TRIO: variants seen among roughly 807,000 people sequenced by gnomAD.
TRIO encodes the protein triple functional domain protein.
In TRIO, 58 loss-of-function variants were observed where a neutral mutation model predicts 351.9. That is an observed-to-expected ratio of 0.16 (90% CI 0.13 to 0.21). TRIO has a LOEUF of 0.21. Among genes scored for constraint, TRIO ranks in the 10% least tolerant of loss-of-function variants. The pLI is 1.00. For synonymous variants in TRIO, 1,758 were observed against 1,595.7 expected (o/e 1.10, Z -2.42); for missense variants, 3,201 against 4,027.8 (o/e 0.79, Z 5.56).
intron 30 of TRIO, 188 bp downstream of exon 30, chr5:14,399,258 GCTCTGGAGTTTATAGA>G: frequency 1.6e-6 from 1 of 607,886 alleles, no homozygotes; most frequent in Non-Finnish European, 2.9e-6. Context: ...ACTAGAGGGT[GCTCTGGAGTTTATAGA>G]CTTAGGAAAC....
rs549398574 is a variant in TRIO, at chr5:14,186,681, G to A, written c.157+42799G>A. Among the ~76,000 whole-genome samples the A allele has an allele frequency of 2.6e-5, 4 of 152,118 alleles. No homozygotes were observed. The South Asian group carries it at 6.2e-4, about 24-fold the overall frequency. ...CAGCCTCTGCCCCCCTGGTTCAAGC[G>A]ATTCTCTTGCCTCAGCCTCCTAAGT... On this transcript the variant is annotated intron_variant, in intron 1 of 56. Coordinates refer to ENST00000344204, the MANE Select transcript of TRIO (RefSeq NM_007118.4).
chr5:14,459,758 T>C (rs914696351), intron 34 of TRIO, among the ~76,000 whole-genome samples: 1 of 151,786 alleles, frequency 6.6e-6, no homozygotes, highest in Non-Finnish European at 1.5e-5. Context: ...CAAAGAAAAA[T>C]TGGATTTTTT....
intron 49 of TRIO, among the ~76,000 whole-genome samples, chr5:14,493,970 A>G (rs1458132758): frequency 6.6e-6 from 1 of 152,220 alleles, no homozygotes; most frequent in South Asian, 2.1e-4. Context: ...CTCCAGTTCT[A>G]TAAAGGCTGA....
intron 1 of TRIO, among the ~76,000 whole-genome samples, chr5:14,175,145 T>G (rs1462369827): frequency 1.3e-5 from 2 of 152,218 alleles, no homozygotes; most frequent in East Asian, 3.8e-4. Flanking sequence ...TTCACCAGAT[T>G]GCCACTAGTT....
chr5:14,361,662 G>T (rs1380640751), intron 13 of TRIO, among the ~76,000 whole-genome samples: 1 of 152,164 alleles, frequency 6.6e-6, no homozygotes, highest in African/African-American at 2.4e-5. Context: ...GTTTCAATTG[G>T]AGTAGCGTCT....
chr5:14,249,327 G>A (rs775863101), intron 1 of TRIO, among the ~76,000 whole-genome samples: 4 of 152,344 alleles, frequency 2.6e-5, no homozygotes, highest in Middle Eastern at 6.8e-3. Flanking sequence ...GCCCGCCCAT[G>A]GTTAGGCTTG....
At chr5:14,345,018 A>C (rs546361772) in intron 11 of TRIO, among the ~76,000 whole-genome samples, 61 of 152,356 alleles carry the variant, frequency 4.0e-4, no homozygotes, top group Non-Finnish European at 5.0e-4. Flanking sequence ...ACATGTATAA[A>C]GCATTTGTAC....
rs770632636 is a variant in TRIO, at chr5:14,479,370, CAG to C, written c.6243+22_6243+23del. On this transcript the variant is annotated intron_variant, in intron 42 of 56. Transcript: ENST00000344204. ...TTTGAGGTAAGACCTAAGATACAAA[CAG>C]AAAGTATTTCTGAATCTTTTGTTCC... is the stretch of plus-strand genomic sequence containing the variant. 38 of 1,566,370 alleles carry C rather than the reference CAG, an allele frequency of 2.4e-5. No individual in the cohort carries two copies. The South Asian group carries it at 2.9e-4, about 12-fold the overall frequency.
chr5:14,425,158 A>G (rs1750536531), intron 34 of TRIO, among the ~76,000 whole-genome samples: 1 of 152,198 alleles, frequency 6.6e-6, no homozygotes, highest in African/African-American at 2.4e-5. Flanking sequence ...CGTCATTACC[A>G]TTCACATCTA....
chr5:14,179,212 G>C (rs13184670), intron 1 of TRIO, among the ~76,000 whole-genome samples: 3 of 152,088 alleles, frequency 2.0e-5, no homozygotes, highest in Non-Finnish European at 2.9e-5. Context: ...TGTGGGTCTG[G>C]TGTCTCAGAA....
chr5:14,219,549 G>A (rs547547423), intron 1 of TRIO, among the ~76,000 whole-genome samples: 2 of 152,328 alleles, frequency 1.3e-5, no homozygotes, highest in African/African-American at 4.8e-5. Flanking sequence ...CAGGTTTGTG[G>A]ATTCCCAGTT....
intron 33 of TRIO, among the ~76,000 whole-genome samples, chr5:14,407,065 C>T (rs111688364): frequency 2.2e-4 from 33 of 152,232 alleles, no homozygotes; most frequent in African/African-American, 6.3e-4. Flanking sequence ...ACCCTTCCAG[C>T]GACTAGGAGG....
At chr5:14,489,738 C>T (rs1756336773) in intron 48 of TRIO, among the ~76,000 whole-genome samples, 1 of 152,206 alleles carries the variant, frequency 6.6e-6, no homozygotes, top group South Asian at 2.1e-4. Context: ...GAAAAATGGC[C>T]ACACCCTGGC....
intron 1 of TRIO, among the ~76,000 whole-genome samples, chr5:14,169,197 CT>C (rs3994005): frequency 0.29 from 40,874 of 140,256 alleles, 5,669 homozygotes; most frequent in African/African-American, 0.34. Flanking sequence ...ATAAAACTGC[CT>C]TTTTTTTTTT....
chr5:14,182,527 A>G (rs1016744908), intron 1 of TRIO, among the ~76,000 whole-genome samples: 4 of 152,248 alleles, frequency 2.6e-5, no homozygotes, highest in Non-Finnish European at 5.9e-5. Flanking sequence ...TAATACATAC[A>G]TGATTCAATG....
chr5:14,232,271 C>T (rs962150961), intron 1 of TRIO, among the ~76,000 whole-genome samples: 3 of 152,144 alleles, frequency 2.0e-5, no homozygotes, highest in Admixed American at 6.5e-5. Flanking sequence ...CCATAGCCTC[C>T]GTTCCTTCTG....
At chr5:14,317,046 C>G (rs758336840) in intron 9 of TRIO, among the ~76,000 whole-genome samples, 10 of 150,920 alleles carry the variant, frequency 6.6e-5, no homozygotes, top group Non-Finnish European at 1.3e-4. Flanking sequence ...TGTGCTCACA[C>G]CAGTGTATTG....
chr5:14,237,500 C>G (rs1029441230), intron 1 of TRIO, among the ~76,000 whole-genome samples: 5 of 152,128 alleles, frequency 3.3e-5, no homozygotes, highest in African/African-American at 7.2e-5. Flanking sequence ...TTCGTGAAGG[C>G]AGGATGACTT....
At chr5:14,219,104 G>A (rs913483904) in intron 1 of TRIO, among the ~76,000 whole-genome samples, 22 of 152,222 alleles carry the variant, frequency 1.4e-4, no homozygotes, top group African/African-American at 5.1e-4. Flanking sequence ...ATTGGTGAAT[G>A]TTTGTGAGAT....
Sources: gnomAD v4.1 joint callset for allele counts (sites outside exome capture counted in the v4.1 genomes callset) on GRCh38, gnomAD v4.1.1 for gene constraint, MANE v1.5 for transcripts, NCBI Gene and HGNC (gene_info 2026-07-23, HGNC 2026-07-21) for gene names.